Variants in PLGRKT observed in about 807,000 individuals in gnomAD.
PLGRKT encodes plasminogen receptor with a C-terminal lysine.
A neutral mutation model predicts 18.5 loss-of-function variants in PLGRKT; 22 were observed. The ratio of observed to expected loss-of-function variants is 1.19; its 90% CI spans 0.85 to 1.70. The LOEUF (loss-of-function observed/expected upper bound fraction) is 1.70. PLGRKT is among the 40% of genes most tolerant of loss of function. The pLI, the probability that PLGRKT is intolerant of heterozygous loss-of-function variation, is 0.00. For synonymous variants in PLGRKT, 72 were observed against 52.8 expected, an observed-to-expected ratio of 1.36 and a Z score of -1.58; for missense variants, 235 against 174.4, an observed-to-expected ratio of 1.35 and a Z score of -1.96.
chr9:5,385,888 G>T lies in PLGRKT; in HGVS notation c.82-24000C>A, dbSNP rs1462253941. On this transcript the variant is annotated intron_variant, in intron 3 of 5. Transcript: ENST00000223864. ...GATGGTGTCTCTCTCAAGAGAAAAG[G>T]AAAGGCATGCTTATTGCCCATTAGC... Among the ~76,000 whole-genome samples, 3 of 151,906 alleles carry T rather than the reference G, an allele frequency of 2.0e-5. 1 individual carries two copies. The highest frequency in any genetic ancestry group is 4.2e-4 in the South Asian group (2 of 4,816).
chr9:5,430,311 G>T (rs913800880), intron 3 of PLGRKT, among the ~76,000 whole-genome samples: 1 of 152,178 alleles, frequency 6.6e-6, no homozygotes, highest in African/African-American at 2.4e-5. Flanking sequence ...GTTTCCAAAG[G>T]TCTTTGACAA....
chr9:5,390,873 A>C (rs545092199), intron 3 of PLGRKT, among the ~76,000 whole-genome samples: 1 of 152,088 alleles, frequency 6.6e-6, no homozygotes, highest in Non-Finnish European at 1.5e-5. Flanking sequence ...AAAATGACTA[A>C]ATCTTCAAAA....
intron 3 of PLGRKT, among the ~76,000 whole-genome samples, chr9:5,401,491 G>A (rs912098836): frequency 6.6e-6 from 1 of 151,816 alleles, no homozygotes; most frequent in African/African-American, 2.4e-5. Context: ...AAACTTCTAT[G>A]GCCTGTAACC....
chr9:5,436,378 T>A (rs997170762), intron 2 of PLGRKT, among the ~76,000 whole-genome samples, 191 bp downstream of exon 2: 4 of 152,216 alleles, frequency 2.6e-5, no homozygotes, highest in Non-Finnish European at 5.9e-5. Flanking sequence ...TTTTTACACC[T>A]GCTGCAAACA....
At chr9:5,396,386 A>T (rs554483805) in intron 3 of PLGRKT, among the ~76,000 whole-genome samples, 5 of 151,780 alleles carry the variant, frequency 3.3e-5, no homozygotes, top group African/African-American at 1.2e-4. Context: ...CCCAGGTTCA[A>T]GTGATTCTCC....
In PLGRKT at chr9:5,433,860, G is replaced by A. The variant is rs1260384955; in HGVS notation, c.-6-1877C>T. Among the ~76,000 whole-genome samples, 5 of 138,280 alleles carry A rather than the reference G, an allele frequency of 3.6e-5. No homozygotes were observed. The East Asian group carries it at 9.0e-4, about 25-fold the overall frequency. 90.7% of individuals were successfully genotyped at this position (138,280 alleles called of 152,430 possible). A position where few individuals can be genotyped will look rare whatever the true frequency, so the allele number is the denominator to read the frequency against. On this transcript the variant is annotated intron_variant, in intron 2 of 5. Transcript: ENST00000223864. ...GCCCATCATCTGGGATGTGAGGAGCGCCTTTGCCCGGCCGCCCCGTCTGGG... is the reference window on the plus strand; with the variant it reads ...GCCCATCATCTGGGATGTGAGGAGCACCTTTGCCCGGCCGCCCCGTCTGGG...
intron 3 of PLGRKT, among the ~76,000 whole-genome samples, chr9:5,384,382 C>T (rs981059616): frequency 2.0e-5 from 3 of 152,016 alleles, no homozygotes; most frequent in Non-Finnish European, 2.9e-5. Context: ...AAAAATAATT[C>T]ACAGTTTTTT....
rs145289268 is a variant in PLGRKT at position 5,426,532 on chromosome 9, G to A, written c.81+5365C>T. On this transcript the variant is annotated intron_variant, in intron 3 of 5. Coordinates refer to ENST00000223864, the MANE Select transcript of PLGRKT (RefSeq NM_018465.4). ...AGAGTTAGAACACTGGTTCAACCAT[G>A]TGGGTCTATATTCCCCTGTTCATCC... Among the ~76,000 whole-genome samples the A allele has an allele frequency of 9.4e-3, 1,430 of 152,284 alleles. 19 individuals are homozygous for A. Among genetic ancestry groups the A allele is most frequent in the African/African-American group, 0.031 (1,303 of 41,546 alleles).
At chr9:5,387,890 T>G (rs1817875335) in intron 3 of PLGRKT, among the ~76,000 whole-genome samples, 1 of 151,780 alleles carries the variant, frequency 6.6e-6, no homozygotes, top group Non-Finnish European at 1.5e-5. Flanking sequence ...AACAGGGGTC[T>G]GGGGTAGAGT....
At chr9:5,405,827 C>G (rs1289555038) in intron 3 of PLGRKT, among the ~76,000 whole-genome samples, 2 of 152,152 alleles carry the variant, frequency 1.3e-5, no homozygotes, top group Non-Finnish European at 2.9e-5. Flanking sequence ...AGACAACCTA[C>G]AGAATAGAAG....
At chr9:5,436,050 G>A (rs1396499390) in intron 2 of PLGRKT, among the ~76,000 whole-genome samples, 2 of 152,224 alleles carry the variant, frequency 1.3e-5, no homozygotes, top group Non-Finnish European at 2.9e-5. Context: ...AAGGCCTGAG[G>A]TGGTGAGATT....
intron 3 of PLGRKT, among the ~76,000 whole-genome samples, chr9:5,390,067 G>A (rs893656473): frequency 1.3e-5 from 2 of 151,662 alleles, no homozygotes; most frequent in Admixed American, 6.6e-5. Context: ...GGAGTCAAAG[G>A]AACCAATGCA....
At chr9:5,410,008 C>A (rs1200734308) in intron 3 of PLGRKT, among the ~76,000 whole-genome samples, 1 of 151,848 alleles carries the variant, frequency 6.6e-6, no homozygotes, top group Non-Finnish European at 1.5e-5. Context: ...ACCCTAGAAA[C>A]CAAGCATATA....
chr9:5,432,109 C>A, intron 2 of PLGRKT, 126 bp from the exon 3 acceptor site: 1 of 588,508 alleles, frequency 1.7e-6, no homozygotes, highest in Non-Finnish European at 3.0e-6. Context: ...GATCTAGGAA[C>A]ACAGTGTGGA....
intron 3 of PLGRKT, among the ~76,000 whole-genome samples, chr9:5,376,739 T>A (rs958938040): frequency 6.6e-6 from 1 of 152,190 alleles, no homozygotes; most frequent in African/African-American, 2.4e-5. Flanking sequence ...AGAAAGGGTA[T>A]AGTAAGCTAC....
chr9:5,420,244 G>A (rs1818549284), intron 3 of PLGRKT, among the ~76,000 whole-genome samples: 1 of 152,218 alleles, frequency 6.6e-6, no homozygotes, highest in Non-Finnish European at 1.5e-5. Context: ...GCTGAGGAAG[G>A]AGAGGAGGAG....
chr9:5,399,000 A>T (rs1261901210), intron 3 of PLGRKT, among the ~76,000 whole-genome samples: 1 of 151,464 alleles, frequency 6.6e-6, no homozygotes, highest in East Asian at 1.9e-4. Context: ...CTCATAGATA[A>T]CTTTTTCTCA....
chr9:5,421,998 T>G (rs1035975969), intron 3 of PLGRKT, among the ~76,000 whole-genome samples: 1 of 152,206 alleles, frequency 6.6e-6, no homozygotes, highest in African/African-American at 2.4e-5. Context: ...ATTCTGAAAT[T>G]GCTAAATAAA....
In PLGRKT at chr9:5,385,812, C is replaced by G. The variant is rs149203609; in HGVS notation, c.82-23924G>C. Among the ~76,000 whole-genome samples the G allele has an allele frequency of 5.3e-5, 8 of 151,906 alleles. No homozygotes were observed. The East Asian group carries it at 1.5e-3, about 29-fold the overall frequency. Reference sequence around the variant, plus strand: ...AGCAAAGACACTGACAGTGTTTCCTCCAGAATATATTTCCTAGGATGTTTA... The same window carrying G: ...AGCAAAGACACTGACAGTGTTTCCTGCAGAATATATTTCCTAGGATGTTTA... On this transcript the variant is annotated intron_variant, in intron 3 of 5. Coordinates refer to ENST00000223864, the MANE Select transcript of PLGRKT (RefSeq NM_018465.4).
Sources: gnomAD v4.1 joint callset for allele counts (sites outside exome capture counted in the v4.1 genomes callset) on GRCh38, gnomAD v4.1.1 for gene constraint, MANE v1.5 for transcripts, NCBI Gene and HGNC (gene_info 2026-07-23, HGNC 2026-07-21) for gene names.